The following PSD3 variants were observed in gnomAD, a reference collection of about 807,000 sequenced individuals.
PSD3 encodes the protein pleckstrin and Sec7 domain containing 3.
Under a neutral mutation model 105.5 loss-of-function variants are expected in PSD3, and 49 were observed. The ratio of observed to expected loss-of-function variants is 0.46; its 90% confidence interval spans 0.37 to 0.59. The LOEUF is 0.59. Among genes scored for constraint, PSD3 ranks in the 20% least tolerant of loss-of-function variants. The probability of loss-of-function intolerance (pLI) is 0.00; values close to 1 mark genes in which losing one functional copy is unlikely to be tolerated. For missense variants in PSD3, 1,561 were observed against 1,263.8 expected (o/e 1.24, Z -3.57); for synonymous variants, 557 against 457.8 (o/e 1.22, Z -2.77).
chr8:18,598,498 T>G (rs1401024681), intron 12 of PSD3, among the ~76,000 whole-genome samples: 1 of 151,582 alleles, frequency 6.6e-6, no homozygotes, highest in African/African-American at 2.4e-5. Context: ...GTTCAACATA[T>G]GAAAATCAGT....
chr8:18,585,437 C>T (rs547218759), intron 12 of PSD3, among the ~76,000 whole-genome samples: 1 of 152,284 alleles, frequency 6.6e-6, no homozygotes, highest in African/African-American at 2.4e-5. Flanking sequence ...CCTGCCTCAG[C>T]GTCCTGAGTA....
intron 4 of PSD3, among the ~76,000 whole-genome samples, chr8:18,838,985 GA>G (rs1446498423): frequency 6.6e-6 from 1 of 151,630 alleles, no homozygotes; most frequent in Non-Finnish European, 1.5e-5. Context: ...AAAGCCTGAG[GA>G]AAAGGCTTAT....
chr8:18,674,248 C>G (rs777902154), intron 9 of PSD3, among the ~76,000 whole-genome samples: 1 of 152,164 alleles, frequency 6.6e-6, no homozygotes, highest in Non-Finnish European at 1.5e-5. Flanking sequence ...AAAGGGCTGT[C>G]CTCGTTCGAC....
At chr8:19,065,088 A>G (rs993370816) in intron 1 of PSD3, among the ~76,000 whole-genome samples, 1 of 152,204 alleles carries the variant, frequency 6.6e-6, no homozygotes, top group Admixed American at 6.5e-5. Flanking sequence ...GAGCCGGCAT[A>G]AGGAAGTCCC....
intron 1 of PSD3, among the ~76,000 whole-genome samples, chr8:19,074,275 A>G (rs931947249): frequency 6.6e-6 from 1 of 151,958 alleles, no homozygotes; most frequent in African/African-American, 2.4e-5. Context: ...GTCTCTTAGC[A>G]ACGTCTTGCA....
intron 4 of PSD3, among the ~76,000 whole-genome samples, chr8:18,829,514 C>T (rs984573152): frequency 6.6e-6 from 1 of 152,168 alleles, no homozygotes; most frequent in African/African-American, 2.4e-5. Context: ...AGATTTGCTG[C>T]GTTTGGCTGA....
intron 9 of PSD3, among the ~76,000 whole-genome samples, chr8:18,746,775 A>C (rs1392037364): frequency 6.6e-6 from 1 of 152,172 alleles, no homozygotes; most frequent in Non-Finnish European, 1.5e-5. Flanking sequence ...TTTGTAATAC[A>C]ATTAGGTTCA....
chr8:18,922,669 T>C (rs1443987704), intron 2 of PSD3, among the ~76,000 whole-genome samples: 1 of 152,150 alleles, frequency 6.6e-6, no homozygotes, highest in Non-Finnish European at 1.5e-5. Context: ...TCCCTTCAGA[T>C]GCCCATCTAA....
intron 2 of PSD3, among the ~76,000 whole-genome samples, chr8:18,893,211 ACAGGGTGCGG>A (rs1015851086): frequency 6.6e-6 from 1 of 152,118 alleles, no homozygotes; most frequent in Non-Finnish European, 1.5e-5. Context: ...AATCAGAATC[ACAGGGTGCGG>A]GGTCAGCATG....
intron 8 of PSD3, among the ~76,000 whole-genome samples, chr8:18,773,387 G>C (rs1009978346): frequency 6.6e-5 from 10 of 152,170 alleles, no homozygotes; most frequent in African/African-American, 2.4e-4. Context: ...GACTACTGTA[G>C]CTTTGTAATA....
chr8:19,046,803 A>G (rs1828334114), intron 1 of PSD3, among the ~76,000 whole-genome samples: 1 of 152,238 alleles, frequency 6.6e-6, no homozygotes, highest in African/African-American at 2.4e-5. Flanking sequence ...ACAGTAGTTA[A>G]TAATGAAGCT....
chr8:18,798,095 G>A (rs908074868), intron 8 of PSD3, among the ~76,000 whole-genome samples: 16 of 152,116 alleles, frequency 1.1e-4, no homozygotes, highest in Non-Finnish European at 1.8e-4. Flanking sequence ...TTAACAAGCT[G>A]GATGAACATT....
intron 2 of PSD3, among the ~76,000 whole-genome samples, chr8:18,890,452 G>A (rs530718062): frequency 2.0e-5 from 3 of 152,246 alleles, no homozygotes. Context: ...CAAGTGAGCC[G>A]AGAGGAGAGA....
chr8:18,999,746 C>A (rs2129474204), intron 1 of PSD3, among the ~76,000 whole-genome samples: 1 of 151,656 alleles, frequency 6.6e-6, no homozygotes, highest in African/African-American at 2.4e-5. Context: ...AACTACACCA[C>A]CCAAGTTTTT....
chr8:18,748,569 A>T (rs1266104420), intron 9 of PSD3, among the ~76,000 whole-genome samples: 1 of 150,826 alleles, frequency 6.6e-6, no homozygotes, highest in African/African-American at 2.4e-5. Context: ...CTGAGGCAGG[A>T]GAATGGCGTG....
intron 1 of PSD3, among the ~76,000 whole-genome samples, chr8:18,971,266 A>C (rs1008188499): frequency 6.6e-6 from 1 of 152,184 alleles, no homozygotes; most frequent in African/African-American, 2.4e-5. Context: ...CCGGACACCC[A>C]GGCTCAGGCG....
At chr8:18,961,414 C>T (rs1355364197) in intron 1 of PSD3, among the ~76,000 whole-genome samples, 3 of 152,136 alleles carry the variant, frequency 2.0e-5, no homozygotes, top group African/African-American at 4.8e-5. Context: ...GCAGGCTGGG[C>T]GCGGTGGCTC....
intron 9 of PSD3, among the ~76,000 whole-genome samples, chr8:18,756,348 C>T (rs1806043556): frequency 6.6e-6 from 1 of 152,130 alleles, no homozygotes; most frequent in Non-Finnish European, 1.5e-5. Flanking sequence ...CTTTTTCTGA[C>T]TGAGGTCTGC....
intron 9 of PSD3, among the ~76,000 whole-genome samples, chr8:18,748,145 T>C (rs1805176869): frequency 6.6e-6 from 1 of 151,638 alleles, no homozygotes; most frequent in Admixed American, 6.6e-5. Context: ...GCTGCACTGG[T>C]TTTGTTATTT....
Sources: allele counts gnomAD v4.1 joint callset (sites outside exome capture counted in the v4.1 genomes callset), GRCh38; gene constraint gnomAD v4.1.1; transcripts MANE v1.5; gene names NCBI Gene and HGNC (gene_info 2026-07-23, HGNC 2026-07-21).